ZNF334: variants seen among roughly 807,000 people sequenced by gnomAD.
ZNF334 encodes zinc finger protein 334.
In ZNF334, 14 loss-of-function variants were observed where a neutral mutation model predicts 12.4. That is an observed-to-expected ratio of 1.13 (90% confidence interval 0.74 to 1.76). The LOEUF (loss-of-function observed/expected upper bound fraction) is 1.76, where lower values mean the gene tolerates loss of function less well. ZNF334 is among the 40% of genes most tolerant of loss of function. The probability of loss-of-function intolerance (pLI) is 0.00; values close to 1 mark genes in which losing one functional copy is unlikely to be tolerated. For missense variants in ZNF334, 797 were observed against 804.5 expected (o/e 0.99, Z 0.11); for synonymous variants, 273 against 269.6 (o/e 1.01, Z -0.12).
chr20:46,483,095 G>A, the ZNF334 span, among the ~76,000 whole-genome samples: 1 of 152,162 alleles, frequency 6.6e-6, no homozygotes, highest in East Asian at 1.9e-4. Context: ...TGATGGCTTG[G>A]TTACATCCCT....
At chr20:46,511,699 T>C (rs1311604285) in intron 2 of ZNF334, among the ~76,000 whole-genome samples, 2 of 152,238 alleles carry the variant, frequency 1.3e-5, no homozygotes, top group African/African-American at 4.8e-5. Flanking sequence ...TGACACTGGA[T>C]TGGTTCCCTG....
chr20:46,488,240 ATT>A, the ZNF334 span, among the ~76,000 whole-genome samples: 2 of 137,686 alleles, frequency 1.5e-5, no homozygotes, highest in Admixed American at 7.2e-5. Flanking sequence ...TTTTGGATTG[ATT>A]TTTTTTTTTT....
chr20:46,476,946 A>G, the ZNF334 span: 1 of 152,222 alleles, frequency 6.6e-6, no homozygotes, highest in Non-Finnish European at 1.5e-5. Context: ...TTTTCTACTC[A>G]TTGAAATGAG....
the ZNF334 span, chr20:46,491,346 T>G: frequency 6.5e-6 from 1 of 152,688 alleles, no homozygotes; most frequent in Non-Finnish European, 1.5e-5. Context: ...GGAAAAACCT[T>G]TCACCGTTTC....
the ZNF334 span, among the ~76,000 whole-genome samples, chr20:46,493,601 T>C: frequency 7.9e-5 from 12 of 152,160 alleles, no homozygotes; most frequent in Non-Finnish European, 1.6e-4. Context: ...CTGGCCAACA[T>C]GGTGAAACCC....
chr20:46,466,896 C>T, the ZNF334 span, among the ~76,000 whole-genome samples: 1 of 152,142 alleles, frequency 6.6e-6, no homozygotes, highest in Non-Finnish European at 1.5e-5. Context: ...ATTCTCATAA[C>T]TTTTTTGAAT....
downstream of ZNF334, among the ~76,000 whole-genome samples, chr20:46,495,273 G>C (rs1256455357): frequency 6.6e-6 from 1 of 151,490 alleles, no homozygotes; most frequent in Non-Finnish European, 1.5e-5. Context: ...GGTATGTTGA[G>C]GTTTTAACTG....
chr20:46,497,808 T>G (rs1410237227), downstream of ZNF334, among the ~76,000 whole-genome samples: 1 of 152,196 alleles, frequency 6.6e-6, no homozygotes, highest in Non-Finnish European at 1.5e-5. Context: ...ATAGAAACAA[T>G]TCTAAAATAA....
chr20:46,498,711 G>A (rs147575305), downstream of ZNF334, among the ~76,000 whole-genome samples: 1,013 of 152,322 alleles, frequency 6.7e-3, 12 homozygotes, highest in African/African-American at 0.024. Flanking sequence ...CAAAATGTGT[G>A]TTGAATTCCT....
the ZNF334 span, among the ~76,000 whole-genome samples, chr20:46,487,284 G>A: frequency 6.6e-6 from 1 of 152,024 alleles, no homozygotes; most frequent in Non-Finnish European, 1.5e-5. Flanking sequence ...TGGACAACCA[G>A]CCCCATTTTC....
At chr20:46,490,303 G>A in the ZNF334 span, among the ~76,000 whole-genome samples, 10 of 151,962 alleles carry the variant, frequency 6.6e-5, no homozygotes, top group Middle Eastern at 3.2e-3. Flanking sequence ...ATAGAGCATC[G>A]GCCCAATCAA....
In ZNF334 at chr20:46,502,246, C is replaced by G. The variant is rs766913010; in HGVS notation, c.1093G>C (p.Val365Leu). The G allele has an allele frequency of 1.1e-5, 17 of 1,613,920 alleles. No homozygotes were observed. Among genetic ancestry groups the G allele is most frequent in the African/African-American group, 2.7e-5 (2 of 74,888 alleles). ...GNAFSKKSYL[V>L]VHQRTHRGEK... ...CCTCTGTGAGTTCTTTGATGTACAACAAGATACGATTTCTTGCTGAAGGCA... is the reference window on the plus strand; with the variant it reads ...CCTCTGTGAGTTCTTTGATGTACAAGAAGATACGATTTCTTGCTGAAGGCA... Residue 365 changes from valine (V) to leucine (L), a missense_variant, in exon 5 of 5, where the codon GTT becomes CTT. Val to Leu is a conservative substitution (Grantham distance 32). Coordinates refer to ENST00000692313, the MANE Select transcript of ZNF334 (RefSeq NM_001353824.2).
chr20:46,473,618 C>A, the ZNF334 span, among the ~76,000 whole-genome samples: 3 of 152,122 alleles, frequency 2.0e-5, no homozygotes, highest in Non-Finnish European at 4.4e-5. Context: ...TCCTCACTTT[C>A]CCAGATTTCA....
chr20:46,474,061 G>A, the ZNF334 span, among the ~76,000 whole-genome samples: 1 of 152,192 alleles, frequency 6.6e-6, no homozygotes, highest in Non-Finnish European at 1.5e-5. Flanking sequence ...GATGCTAAAT[G>A]CACTGGTGAG....
the ZNF334 span, among the ~76,000 whole-genome samples, chr20:46,489,535 G>A: frequency 6.6e-6 from 1 of 151,418 alleles, no homozygotes; most frequent in Non-Finnish European, 1.5e-5. Context: ...GGATGTGATG[G>A]CATGGCCAGC....
chr20:46,466,639 G>A, the ZNF334 span, among the ~76,000 whole-genome samples: 4 of 151,916 alleles, frequency 2.6e-5, no homozygotes, highest in African/African-American at 4.8e-5. Flanking sequence ...ACGCACCATC[G>A]CACCTGGCTA....
At chr20:46,488,443 A>AT in the ZNF334 span, among the ~76,000 whole-genome samples, 156 of 136,612 alleles carry the variant, frequency 1.1e-3, 3 homozygotes, top group African/African-American at 4.1e-3. Context: ...ATATATATAT[A>AT]AATACCATAA....
chr20:46,464,022 A>C, the ZNF334 span: 2 of 635,444 alleles, frequency 3.1e-6, no homozygotes, highest in Admixed American at 3.7e-5. Flanking sequence ...CAAAGGTGAC[A>C]ACCTCTTCTT....
chr20:46,501,380 C>G lies in ZNF334; in HGVS notation c.1959G>C (p.Glu653Asp), dbSNP rs369785888. The G allele has an allele frequency of 9.9e-6, 16 of 1,614,000 alleles. No individual in the cohort carries two copies. The highest frequency in any genetic ancestry group is 1.7e-5 in the Admixed American group (1 of 60,002). Residue 653 changes from glutamate to aspartate, a missense_variant, in exon 5 of 5, where the codon GAG (glutamate) becomes GAC (aspartate). By Grantham distance (45) the Glu-to-Asp change is conservative. Transcript: ENST00000692313. ...LTEHQKIHTG[E>D]KPYECNKCEK... ...CACATTTGTTACATTCATAAGGTTT[C>G]TCTCCTGTGTGTATTTTCTGATGTT...
Sources: gnomAD v4.1 joint callset for allele counts (sites outside exome capture counted in the v4.1 genomes callset) on GRCh38, gnomAD v4.1.1 for gene constraint, MANE v1.5 for transcripts, NCBI Gene and HGNC (gene_info 2026-07-23, HGNC 2026-07-21) for gene names.